CLVS1: variants seen among roughly 807,000 people sequenced by gnomAD.
CLVS1 encodes clavesin 1.
A neutral mutation model predicts 33.1 loss-of-function variants in CLVS1; 10 were observed. That is an observed-to-expected ratio of 0.30 (90% confidence interval 0.19 to 0.51). The LOEUF (loss-of-function observed/expected upper bound fraction) is 0.51, where lower values mean the gene tolerates loss of function less well. CLVS1 is among the 20% of genes least tolerant of loss of function. CLVS1 has a pLI of 0.97. For missense variants in CLVS1, 343 were observed against 433.4 expected, an observed-to-expected ratio of 0.79 and a Z score of 1.85; for synonymous variants, 163 against 166.1, an observed-to-expected ratio of 0.98 and a Z score of 0.14.
chr8:61,492,601 C>A (rs909628409), intron 5 of CLVS1, among the ~76,000 whole-genome samples: 3 of 152,104 alleles, frequency 2.0e-5, no homozygotes, highest in African/African-American at 7.2e-5. Context: ...ATACATGATA[C>A]ATGAGTTATA....
intron 2 of CLVS1, among the ~76,000 whole-genome samples, chr8:61,279,742 ATTAT>A (rs1290760041): frequency 1.3e-5 from 2 of 152,244 alleles, no homozygotes; most frequent in Admixed American, 6.5e-5. Context: ...TGGCTTAATA[ATTAT>A]TTATGAATAC....
intron 5 of CLVS1, among the ~76,000 whole-genome samples, chr8:61,493,098 C>G (rs1170507205): frequency 6.6e-6 from 1 of 152,114 alleles, no homozygotes; most frequent in Non-Finnish European, 1.5e-5. Context: ...TGTGTTACTT[C>G]TAAAAATTTA....
At chr8:61,341,896 T>C (rs1320361922) in intron 2 of CLVS1, among the ~76,000 whole-genome samples, 1 of 152,242 alleles carries the variant, frequency 6.6e-6, no homozygotes, top group African/African-American at 2.4e-5. Context: ...CTGAAATCAC[T>C]GCCATTTCCT....
chr8:61,182,284 G>A (rs1807254036), intron 2 of CLVS1, among the ~76,000 whole-genome samples: 1 of 152,162 alleles, frequency 6.6e-6, no homozygotes, highest in Non-Finnish European at 1.5e-5. Context: ...AAGATTTCAT[G>A]ATGAAAACGC....
At chr8:61,124,660 G>A (rs569455961) in intron 1 of CLVS1, among the ~76,000 whole-genome samples, 1 of 152,290 alleles carries the variant, frequency 6.6e-6, no homozygotes, top group East Asian at 1.9e-4. Flanking sequence ...TATGGCTGAT[G>A]AGCCTCAAAC....
chr8:61,340,082 GAAAGAAAGAAAAAGAAAGA>G (rs1282972976), intron 2 of CLVS1, among the ~76,000 whole-genome samples: 14 of 148,170 alleles, frequency 9.4e-5, no homozygotes, highest in African/African-American at 2.2e-4. Context: ...AAAAAGAAAG[GAAAGAAAGAAAAAGAAAGA>G]AAAGAAAGAA....
chr8:61,004,630 C>G, the CLVS1 span, among the ~76,000 whole-genome samples: 4 of 152,162 alleles, frequency 2.6e-5, no homozygotes, highest in Non-Finnish European at 5.9e-5. Flanking sequence ...TCAGAGTGAC[C>G]GCCAGGAAGC....
chr8:61,076,466 C>T (rs1465568151), intron 1 of CLVS1, among the ~76,000 whole-genome samples: 2 of 152,204 alleles, frequency 1.3e-5, no homozygotes, highest in African/African-American at 2.4e-5. Flanking sequence ...TCCTTCTGTG[C>T]TTCCATTTCC....
intron 2 of CLVS1, among the ~76,000 whole-genome samples, chr8:61,234,443 C>T (rs1362047771): frequency 1.3e-5 from 2 of 152,114 alleles, no homozygotes; most frequent in Non-Finnish European, 2.9e-5. Context: ...GTACACAACA[C>T]AGAAAGACAC....
chr8:61,025,542 CAG>C, the CLVS1 span, among the ~76,000 whole-genome samples: 2 of 152,196 alleles, frequency 1.3e-5, no homozygotes, highest in African/African-American at 4.8e-5. Context: ...GAGGAAAGAT[CAG>C]AGACTCTTTT....
the CLVS1 span, among the ~76,000 whole-genome samples, chr8:61,019,345 T>C: frequency 1.2e-4 from 19 of 152,314 alleles, no homozygotes; most frequent in African/African-American, 4.6e-4. Flanking sequence ...ATGTTTGTGA[T>C]TCTAATGATG....
intron 1 of CLVS1, among the ~76,000 whole-genome samples, chr8:61,129,422 G>A (rs1806043289): frequency 6.6e-6 from 1 of 152,288 alleles, no homozygotes; most frequent in Non-Finnish European, 1.5e-5. Context: ...GGCTAAACCT[G>A]CATTTACTGC....
chr8:61,474,874 C>T (rs1329476546), intron 5 of CLVS1, among the ~76,000 whole-genome samples: 4 of 152,136 alleles, frequency 2.6e-5, no homozygotes, highest in African/African-American at 9.7e-5. Flanking sequence ...TATACATGTG[C>T]CATGTTGGTG....
intron 2 of CLVS1, among the ~76,000 whole-genome samples, chr8:61,176,298 C>T (rs1359412170): frequency 5.9e-5 from 9 of 152,094 alleles, no homozygotes; most frequent in Non-Finnish European, 1.3e-4. Context: ...TGAGAGACAT[C>T]CCAGTCATTC....
intron 2 of CLVS1, chr8:61,202,545 G>A: frequency 1.7e-6 from 2 of 1,143,542 alleles, no homozygotes; most frequent in Non-Finnish European, 2.6e-6. Context: ...CAGAGGCAAT[G>A]AATTACGAAG....
At chr8:61,249,829 G>A (rs766036584) in intron 2 of CLVS1, among the ~76,000 whole-genome samples, 24 of 152,116 alleles carry the variant, frequency 1.6e-4, no homozygotes, top group Admixed American at 3.3e-4. Flanking sequence ...TTTGTCAGAT[G>A]TATACATTGC....
intron 2 of CLVS1, among the ~76,000 whole-genome samples, chr8:61,361,219 G>T (rs1399094955): frequency 6.6e-6 from 1 of 152,190 alleles, no homozygotes; most frequent in South Asian, 2.1e-4. Context: ...TCCAACAATT[G>T]GGATTACAAT....
At chr8:61,069,700 C>G (rs958619977) in intron 1 of CLVS1, among the ~76,000 whole-genome samples, 1 of 152,220 alleles carries the variant, frequency 6.6e-6, no homozygotes, top group African/African-American at 2.4e-5. Flanking sequence ...CCATCCTTAT[C>G]TGTTCCTTCT....
At chr8:61,365,298 C>T (rs1282401845) in intron 2 of CLVS1, among the ~76,000 whole-genome samples, 3 of 152,020 alleles carry the variant, frequency 2.0e-5, no homozygotes, top group African/African-American at 7.2e-5. Context: ...GAGGCCGAGG[C>T]GGGCGGATCA....
Sources: gnomAD v4.1 joint callset for allele counts (sites outside exome capture counted in the v4.1 genomes callset) on GRCh38, gnomAD v4.1.1 for gene constraint, MANE v1.5 for transcripts, NCBI Gene and HGNC (gene_info 2026-07-23, HGNC 2026-07-21) for gene names.